The following PALM2AKAP2 variants were observed in gnomAD, a reference collection of about 807,000 sequenced individuals.
PALM2AKAP2 encodes the protein PALM2 and AKAP2 fusion, also known as PALM2-AKAP2 fusion protein.
In PALM2AKAP2, 37 loss-of-function variants were observed where a neutral mutation model predicts 71.5. The observed-to-expected ratio is 0.52, with a 90% CI of 0.40 to 0.68. The LOEUF is 0.68. PALM2AKAP2 is among the 30% of genes least tolerant of loss of function. The probability of loss-of-function intolerance (pLI) is 0.00; values close to 1 mark genes in which losing one functional copy is unlikely to be tolerated. For missense variants in PALM2AKAP2, 1,224 were observed against 1,191.8 expected (o/e 1.03, Z -0.40); for synonymous variants, 468 against 478.8 (o/e 0.98, Z 0.29).
intron 3 of PALM2AKAP2, among the ~76,000 whole-genome samples, chr9:109,887,342 G>T (rs1332427477): frequency 6.6e-6 from 1 of 152,180 alleles, no homozygotes; most frequent in Non-Finnish European, 1.5e-5. Context: ...CTTTTGAGCA[G>T]GGAGGGGAAC....
intron 1 of PALM2AKAP2, among the ~76,000 whole-genome samples, chr9:109,787,792 C>T (rs1264677633): frequency 6.6e-6 from 1 of 152,192 alleles, no homozygotes; most frequent in Admixed American, 6.5e-5. Context: ...AAAAGATTGG[C>T]AGTCACAACA....
At chr9:109,978,817 A>C (rs1832214256) in intron 6 of PALM2AKAP2, among the ~76,000 whole-genome samples, 1 of 152,090 alleles carries the variant, frequency 6.6e-6, no homozygotes, top group Admixed American at 6.5e-5. Context: ...TAAAAATGGA[A>C]CAATCATTGC....
At chr9:109,983,706 A>G (rs1038024284) in intron 6 of PALM2AKAP2, among the ~76,000 whole-genome samples, 2 of 152,030 alleles carry the variant, frequency 1.3e-5, no homozygotes, top group African/African-American at 2.4e-5. Flanking sequence ...CTCTACTAAA[A>G]ATACCAAAAT....
intron 3 of PALM2AKAP2, among the ~76,000 whole-genome samples, chr9:110,166,419 C>T (rs1836734399): frequency 6.6e-6 from 1 of 152,180 alleles, no homozygotes; most frequent in African/African-American, 2.4e-5. Context: ...AGATGAACAA[C>T]AAAGGACAAA....
chr9:110,054,798 C>T (rs1431970579), intron 1 of PALM2AKAP2, among the ~76,000 whole-genome samples: 2 of 152,144 alleles, frequency 1.3e-5, no homozygotes, highest in Non-Finnish European at 1.5e-5. Flanking sequence ...TCTTGAACTT[C>T]GGGGCTCAAG....
At chr9:109,987,675 A>C (rs1327602537) in intron 6 of PALM2AKAP2, among the ~76,000 whole-genome samples, 1 of 152,210 alleles carries the variant, frequency 6.6e-6, no homozygotes, top group African/African-American at 2.4e-5. Context: ...TTCCTGTGGT[A>C]GGGCTGCTAT....
At chr9:110,020,584 G>C (rs1196321824) in intron 7 of PALM2AKAP2, among the ~76,000 whole-genome samples, 3 of 152,098 alleles carry the variant, frequency 2.0e-5, no homozygotes, top group Non-Finnish European at 4.4e-5. Context: ...TTGGGAGGCT[G>C]AGGAAAGAGA....
At chr9:109,948,214 C>G (rs1037720508) in intron 6 of PALM2AKAP2, among the ~76,000 whole-genome samples, 5 of 151,342 alleles carry the variant, frequency 3.3e-5, no homozygotes, top group African/African-American at 1.2e-4. Flanking sequence ...TAGTAAAATT[C>G]CCATTTCAAC....
At chr9:109,917,531 C>G (rs1051529897) in intron 3 of PALM2AKAP2, among the ~76,000 whole-genome samples, 5 of 149,516 alleles carry the variant, frequency 3.3e-5, no homozygotes, top group African/African-American at 1.2e-4. Context: ...CTCTGTCACC[C>G]AGACTGGAGT....
intron 2 of PALM2AKAP2, among the ~76,000 whole-genome samples, chr9:110,155,430 G>A (rs903307264): frequency 6.6e-6 from 1 of 152,212 alleles, no homozygotes; most frequent in Non-Finnish European, 1.5e-5. Context: ...CCCACCCCAT[G>A]AAGGGCCAGA....
intron 2 of PALM2AKAP2, among the ~76,000 whole-genome samples, chr9:109,868,230 T>G (rs1444373533): frequency 9.2e-5 from 14 of 152,178 alleles, no homozygotes; most frequent in Admixed American, 9.2e-4. Flanking sequence ...TATTTTTTCT[T>G]TAAAACATGA....
chr9:109,815,639 C>T (rs182714152), intron 1 of PALM2AKAP2, among the ~76,000 whole-genome samples: 123 of 152,222 alleles, frequency 8.1e-4, no homozygotes, highest in African/African-American at 2.6e-3. Flanking sequence ...TAAAAAGTGT[C>T]CATTGAACAT....
At chr9:109,892,064 G>T (rs1830102689) in intron 3 of PALM2AKAP2, among the ~76,000 whole-genome samples, 1 of 152,120 alleles carries the variant, frequency 6.6e-6, no homozygotes, top group Non-Finnish European at 1.5e-5. Context: ...GACTGTCTTG[G>T]TTACCTACTG....
chr9:109,809,074 C>A (rs1190182042), intron 1 of PALM2AKAP2, among the ~76,000 whole-genome samples: 1 of 152,210 alleles, frequency 6.6e-6, no homozygotes, highest in Non-Finnish European at 1.5e-5. Context: ...CATGGAGAAC[C>A]TCTGCTAGGG....
At chr9:110,024,145 C>A (rs1369284665) in intron 7 of PALM2AKAP2, among the ~76,000 whole-genome samples, 1 of 152,088 alleles carries the variant, frequency 6.6e-6, no homozygotes, top group Non-Finnish European at 1.5e-5. Context: ...ATGGTTCCCC[C>A]AGGTAGGTAT....
At chr9:110,049,344 G>C (rs951670021) in intron 1 of PALM2AKAP2, among the ~76,000 whole-genome samples, 1 of 152,156 alleles carries the variant, frequency 6.6e-6, no homozygotes, top group Non-Finnish European at 1.5e-5. Context: ...CGCAAGTCCT[G>C]AACTTTTCAG....
At chr9:110,135,896 A>T (rs1319099047) in intron 1 of PALM2AKAP2, among the ~76,000 whole-genome samples, 1 of 152,220 alleles carries the variant, frequency 6.6e-6, no homozygotes. Flanking sequence ...GATAAAATTT[A>T]AAAATGGCAC....
chr9:109,992,531 A>G lies in PALM2AKAP2; in HGVS notation c.497-23423A>G, dbSNP rs10980135. Among the ~76,000 whole-genome samples, 59 of 152,246 alleles carry G rather than the reference A, an allele frequency of 3.9e-4. 1 individual carries two copies. The East Asian group carries it at 0.011, about 29-fold the overall frequency. On this transcript the variant is annotated intron_variant, in intron 6 of 9. Coordinates refer to the PALM2AKAP2 transcript ENST00000302798. ...CTTCCTGGGCTCAAGTGATTCTCCT[A>G]TCTCAGCCTCCTGAGTAGTTGGGAC...
At chr9:109,762,226 T>C (rs942952701) in intron 1 of PALM2AKAP2, among the ~76,000 whole-genome samples, 2 of 152,122 alleles carry the variant, frequency 1.3e-5, no homozygotes, top group African/African-American at 4.8e-5. Context: ...TCAAAGTGTT[T>C]TAGGTCCCTG....
Sources: allele counts gnomAD v4.1 joint callset (sites outside exome capture counted in the v4.1 genomes callset), GRCh38; gene constraint gnomAD v4.1.1; transcripts MANE v1.5; gene names NCBI Gene and HGNC (gene_info 2026-07-23, HGNC 2026-07-21).